MICAL3: variants seen among roughly 807,000 people sequenced by gnomAD.
MICAL3 encodes [F-actin]-monooxygenase MICAL3.
A neutral mutation model predicts 207.4 loss-of-function variants in MICAL3; 62 were observed. That is an observed-to-expected ratio of 0.30 (90% CI 0.24 to 0.37). The LOEUF is 0.37. Ranked by LOEUF, MICAL3 falls within the 10% of genes least tolerant of loss-of-function variation. The pLI is 1.00. For missense variants in MICAL3, 2,368 were observed against 2,635.6 expected (o/e 0.90, Z 2.22); for synonymous variants, 1,077 against 1,069.3 (o/e 1.01, Z -0.14).
intron 1 of MICAL3, among the ~76,000 whole-genome samples, chr22:17,929,584 T>TC (rs796713009): frequency 2.7e-5 from 4 of 146,778 alleles, no homozygotes; most frequent in African/African-American, 7.6e-5. Context: ...TTTTTTTTTT[T>TC]TTTGACAGGG....
chr22:17,904,384 T>A (rs539929342), intron 3 of MICAL3, among the ~76,000 whole-genome samples: 63 of 152,242 alleles, frequency 4.1e-4, no homozygotes, highest in Non-Finnish European at 8.1e-4. Context: ...CTAACAGAAA[T>A]CCTCAAGCCA....
In MICAL3 at chr22:17,810,506, C is replaced by T. The variant is rs199753278; in HGVS notation, c.5556+197G>A. On this transcript the variant is annotated intron_variant, in intron 28 of 31. Transcript: ENST00000441493. ...GAGCCACCACGCCCAGCCTGCTCTT[C>T]CCTTTTGACTGACAGCTCCACCAAG... is the stretch of plus-strand genomic sequence containing the variant. Among the ~76,000 whole-genome samples the T allele has an allele frequency of 1.1e-4, 17 of 152,342 alleles. 1 individual carries two copies. In the East Asian group the frequency reaches 3.3e-3, roughly 29 times the overall value.
At chr22:17,918,910 C>T (rs1932708724) in intron 1 of MICAL3, among the ~76,000 whole-genome samples, 1 of 152,202 alleles carries the variant, frequency 6.6e-6, no homozygotes, top group African/African-American at 2.4e-5. Context: ...GCTCTGACTT[C>T]CAGGGCACGA....
At chr22:17,899,172 C>T (rs1368719295) in intron 7 of MICAL3, 1 of 482,698 alleles carries the variant, frequency 2.1e-6, no homozygotes, top group Non-Finnish European at 3.8e-6. Flanking sequence ...AGAAATATTA[C>T]TGACAGAACA....
At chr22:17,910,913 G>A (rs1217953667) in intron 1 of MICAL3, among the ~76,000 whole-genome samples, 2 of 152,332 alleles carry the variant, frequency 1.3e-5, no homozygotes, top group East Asian at 3.9e-4. Context: ...ATAATCACAG[G>A]AACCTGGAGA....
rs1051352882 is a variant in MICAL3, at chr22:17,842,421, C to A, written c.2606-404G>T. On this transcript the variant is annotated intron_variant, in intron 19 of 31. Coordinates refer to ENST00000441493, the MANE Select transcript of MICAL3 (RefSeq NM_015241.3). The stretch of plus-strand genomic sequence containing the variant: ...GTGCAGTCTGCCCCAGGGATCCAGG[C>A]CCCCACCAGGTGCCTCCCCCAATGC... 3 of 188,466 alleles carry A rather than the reference C, an allele frequency of 1.6e-5. No individual in the cohort carries two copies. The East Asian group carries it at 3.9e-4, about 24-fold the overall frequency. 11.7% of individuals were successfully genotyped at this position (188,466 alleles called of 1,614,324 possible).
At chr22:18,021,926 C>T (rs1924503699) in intron 1 of MICAL3, among the ~76,000 whole-genome samples, 1 of 152,194 alleles carries the variant, frequency 6.6e-6, no homozygotes, top group East Asian at 1.9e-4. Flanking sequence ...ATACCTATCT[C>T]GCAGGAGATC....
At chr22:17,845,495 A>T (rs886648721) in intron 19 of MICAL3, among the ~76,000 whole-genome samples, 2 of 152,154 alleles carry the variant, frequency 1.3e-5, no homozygotes, top group Non-Finnish European at 2.9e-5. Context: ...CCACGTATGC[A>T]CTCATGGGAG....
chr22:17,962,535 T>C (rs1934958369), intron 1 of MICAL3, among the ~76,000 whole-genome samples: 2 of 152,014 alleles, frequency 1.3e-5, no homozygotes, highest in Admixed American at 1.3e-4. Context: ...TCAAGGAAGA[T>C]GGAACTGCGG....
chr22:17,816,319 C>T (rs1311724963), intron 27 of MICAL3, among the ~76,000 whole-genome samples: 2 of 152,230 alleles, frequency 1.3e-5, no homozygotes, highest in African/African-American at 4.8e-5. Flanking sequence ...CGCCAGCAGC[C>T]CTGGACTGCG....
intron 27 of MICAL3, among the ~76,000 whole-genome samples, chr22:17,815,968 G>T (rs1028580068): frequency 6.6e-6 from 1 of 152,254 alleles, no homozygotes; most frequent in Non-Finnish European, 1.5e-5. Flanking sequence ...ACGCAAAAGG[G>T]AGGCAGGAAG....
Position 17,900,421 on chromosome 22 carries a change from C to T in MICAL3, c.847+421G>A, listed in dbSNP as rs1034090501. Among the ~76,000 whole-genome samples, 1 of 152,054 alleles carries T rather than the reference C, an allele frequency of 6.6e-6. No homozygotes were observed. Reference sequence around the variant, plus strand: ...TTTGGGAGCAGCCCGGGCAACATGGCGAAACTCCGTCTCTACAAGTAATAC... The same window carrying T: ...TTTGGGAGCAGCCCGGGCAACATGGTGAAACTCCGTCTCTACAAGTAATAC... On this transcript the variant is annotated intron_variant, in intron 6 of 31. Coordinates refer to ENST00000441493, the MANE Select transcript of MICAL3 (RefSeq NM_015241.3). The surrounding 1 kb of genome is among the most constrained non-coding windows in gnomAD (Gnocchi z 4.0).
chr22:17,843,886 G>A lies in MICAL3; in HGVS notation c.2606-1869C>T, dbSNP rs757476024. 6.6e-5 allele frequency among the ~76,000 whole-genome samples: 10 copies of A among 151,052 alleles called. No individual in the cohort carries two copies. The East Asian group carries it at 1.2e-3, about 18-fold the overall frequency. ...TTTTGAGACGGAGTCTCGCTCTGTC[G>A]CCCAGGCTGGAGTGCAGTGGCACGA... On this transcript the variant is annotated intron_variant, in intron 19 of 31. Coordinates refer to ENST00000441493, the MANE Select transcript of MICAL3 (RefSeq NM_015241.3).
chr22:17,943,678 A>G (rs1054795113), intron 1 of MICAL3, among the ~76,000 whole-genome samples: 4 of 152,246 alleles, frequency 2.6e-5, no homozygotes, highest in African/African-American at 9.6e-5. Context: ...TTGATAGCGT[A>G]AACTGGAGGA....
chr22:17,925,467 A>C (rs1359561282), intron 1 of MICAL3, among the ~76,000 whole-genome samples: 5 of 152,206 alleles, frequency 3.3e-5, no homozygotes, highest in African/African-American at 1.2e-4. Flanking sequence ...AATATCTCCC[A>C]AACCTGAAGA....
At chr22:17,948,971 A>G (rs1934208157) in intron 1 of MICAL3, among the ~76,000 whole-genome samples, 1 of 149,716 alleles carries the variant, frequency 6.7e-6, no homozygotes, top group South Asian at 2.1e-4. Flanking sequence ...GCCCTTTGGG[A>G]GGCCAAGGCG....
intron 19 of MICAL3, among the ~76,000 whole-genome samples, chr22:17,843,532 A>G (rs1226982456): frequency 2.0e-5 from 3 of 152,216 alleles, no homozygotes; most frequent in Admixed American, 2.0e-4. Context: ...GTTTCCTGAT[A>G]GATAAATGAT....
Position 17,822,243 on chromosome 22 carries a change from C to G in MICAL3, c.3308-73G>C, listed in dbSNP as rs994062576. ...AACTCCTTTTCCACCTGAGAGCAGC[C>G]GCGCCACTTGCTCATTTGCAACACA... is the stretch of plus-strand genomic sequence containing the variant. On this transcript the variant is annotated intron_variant, in intron 23 of 31. Coordinates refer to ENST00000441493, the MANE Select transcript of MICAL3 (RefSeq NM_015241.3). 3 of 1,525,952 alleles carry G rather than the reference C, an allele frequency of 2.0e-6. No homozygotes were observed. In the African/African-American group the frequency reaches 4.1e-5, roughly 21 times the overall value. The allele number at this position is 1,525,952 out of a possible 1,614,324, so 94.5% of individuals were successfully genotyped here.
chr22:17,979,859 C>T lies in MICAL3; in HGVS notation c.-75+44422G>A, dbSNP rs79857688. ...TTTTTTATAATTTTTGACACAGGGT[C>T]TCACTTTGTCACCTAGGCCGGAGTA... On this transcript the variant is annotated intron_variant, in intron 1 of 31. Transcript: ENST00000441493. Among the ~76,000 whole-genome samples the T allele has an allele frequency of 4.5e-3, 687 of 152,104 alleles. 7 individuals are homozygous for T. The highest frequency in any genetic ancestry group is 0.016 in the African/African-American group (646 of 41,474).
Sources: gnomAD v4.1 joint callset for allele counts (sites outside exome capture counted in the v4.1 genomes callset) on GRCh38, gnomAD v4.1.1 for gene constraint, Gnocchi (gnomAD v3.1) non-coding constraint, MANE v1.5 for transcripts, NCBI Gene and HGNC (gene_info 2026-07-23, HGNC 2026-07-21) for gene names.